Variants in MEAF6 observed in about 807,000 individuals in gnomAD.
MEAF6 encodes the protein MYST/Esa1 associated factor 6, also known as chromatin modification-related protein MEAF6.
MEAF6 carries 15 observed loss-of-function variants against 28.9 expected under a neutral mutation model. The ratio of observed to expected loss-of-function variants is 0.52; its 90% CI spans 0.35 to 0.80. MEAF6 has a LOEUF of 0.80. MEAF6 is among the 30% of genes least tolerant of loss of function. The pLI is 0.01. For missense variants in MEAF6, 178 were observed against 237.5 expected (o/e 0.75, Z 1.65); for synonymous variants, 97 against 88.7 (o/e 1.09, Z -0.53).
chr1:37,500,460 T>C (rs532640649), intron 5 of MEAF6, among the ~76,000 whole-genome samples: 1 of 152,218 alleles, frequency 6.6e-6, no homozygotes, highest in African/African-American at 2.4e-5. Flanking sequence ...AAATAACCTA[T>C]AGCCTTTCAA....
intron 3 of MEAF6, 26 bp downstream of exon 3, chr1:37,509,429 A>C (rs776491076): frequency 7.4e-6 from 12 of 1,611,950 alleles, no homozygotes; most frequent in Non-Finnish European, 9.3e-6. Flanking sequence ...AGGCCAAAGA[A>C]AGATTCCCCC....
intron 6 of MEAF6, among the ~76,000 whole-genome samples, chr1:37,495,041 A>C (rs1048498006): frequency 1.3e-5 from 2 of 151,818 alleles, no homozygotes; most frequent in African/African-American, 4.8e-5. Context: ...ATCATTAAAA[A>C]TGTATGTGAC....
chr1:37,508,914 T>C (rs1042653235), intron 4 of MEAF6, among the ~76,000 whole-genome samples: 4 of 152,162 alleles, frequency 2.6e-5, no homozygotes, highest in East Asian at 1.9e-4. Context: ...CTGGGCAACA[T>C]AGTGAGACTC....
At chr1:37,495,684 C>CAAAAAAAAAAAA (rs376230589) in intron 6 of MEAF6, among the ~76,000 whole-genome samples, 6 of 70,530 alleles carry the variant, frequency 8.5e-5, no homozygotes, top group East Asian at 4.3e-4. Flanking sequence ...AACTGTCTCT[C>CAAAAAAAAAAAA]AAAAAAAAAA....
At chr1:37,495,799 G>T in intron 6 of MEAF6, 86 bp downstream of exon 6, 1 of 1,326,058 alleles carries the variant, frequency 7.5e-7, no homozygotes, top group Non-Finnish European at 1.1e-6. Flanking sequence ...TCCAGGTTAG[G>T]AACACTCAAG....
At chr1:37,513,702 AAGAC>A (rs1642739791) in intron 1 of MEAF6, 164 bp from the exon 2 acceptor site, 1 of 640,620 alleles carries the variant, frequency 1.6e-6, no homozygotes, top group African/African-American at 1.8e-5. Context: ...GTTTAGGACT[AAGAC>A]AGTCTAGACC....
At chr1:37,502,485 AG>A (rs577505610) in intron 4 of MEAF6, among the ~76,000 whole-genome samples, 1 of 151,576 alleles carries the variant, frequency 6.6e-6, no homozygotes, top group Admixed American at 6.6e-5. Flanking sequence ...ACAAAAAAAA[AG>A]GGGGGGCCAA....
chr1:37,511,650 A>G (rs899243250), intron 2 of MEAF6, among the ~76,000 whole-genome samples: 1 of 152,248 alleles, frequency 6.6e-6, no homozygotes, highest in African/African-American at 2.4e-5. Flanking sequence ...AACAAAGGAT[A>G]CACCAATTGC....
chr1:37,505,534 T>C (rs1219507105), intron 4 of MEAF6, among the ~76,000 whole-genome samples: 1 of 152,240 alleles, frequency 6.6e-6, no homozygotes, highest in African/African-American at 2.4e-5. Flanking sequence ...GTATATTTTA[T>C]GTGTGGCCCT....
At chr1:37,509,169 GGAA>G in intron 4 of MEAF6, 106 bp downstream of exon 4, 3 of 1,007,150 alleles carry the variant, frequency 3.0e-6, no homozygotes, top group Non-Finnish European at 4.6e-6. Flanking sequence ...GAGGGAAAAG[GGAA>G]GAGCATAAGA....
rs1322186968 is a variant in MEAF6 at position 37,492,663 on chromosome 1, C to T, written c.*1436G>A. The T allele has an allele frequency of 6.6e-6, 1 of 152,012 alleles. No homozygotes were observed. The highest frequency in any genetic ancestry group is 1.9e-4 in the East Asian group (1 of 5,192). 9.4% of individuals were successfully genotyped at this position (152,012 alleles called of 1,614,324 possible). A position where few individuals can be genotyped will look rare whatever the true frequency, so the allele number is the denominator to read the frequency against. ...GACTTGTTTTACAGTAGATGCCATCCATATTCAGCCCTACCAATACTATCA... is the reference window on the plus strand; with the variant it reads ...GACTTGTTTTACAGTAGATGCCATCTATATTCAGCCCTACCAATACTATCA... On this transcript the variant is annotated 3_prime_UTR_variant, in exon 7 of 7. Coordinates refer to ENST00000296214, the MANE Select transcript of MEAF6 (RefSeq NM_001270875.3).
At chr1:37,510,380 C>CG (rs1642628459) in intron 2 of MEAF6, among the ~76,000 whole-genome samples, 1 of 97,872 alleles carries the variant, frequency 1.0e-5, no homozygotes, top group East Asian at 3.2e-4. Context: ...TGCACCTAGC[C>CG]ATTTTTTTTT....
chr1:37,498,101 G>A (rs1421007451), intron 5 of MEAF6, among the ~76,000 whole-genome samples: 2 of 152,136 alleles, frequency 1.3e-5, no homozygotes, highest in African/African-American at 4.8e-5. Context: ...AAAACAATAA[G>A]CAAATGGCTA....
At chr1:37,495,714 A>AC (rs1642108880) in intron 6 of MEAF6, among the ~76,000 whole-genome samples, 171 bp downstream of exon 6, 13 of 133,660 alleles carry the variant, frequency 9.7e-5, no homozygotes, top group Admixed American at 9.2e-4. Context: ...CAAAAAAAAA[A>AC]AAAAACAAAA....
At chr1:37,509,239 A>G in intron 4 of MEAF6, 39 bp downstream of exon 4, 1 of 1,585,700 alleles carries the variant, frequency 6.3e-7, no homozygotes, top group Non-Finnish European at 8.7e-7. Context: ...ATGGTAGCTT[A>G]AAAATAAACT....
chr1:37,509,042 A>T (rs1045721344), intron 4 of MEAF6, among the ~76,000 whole-genome samples: 1 of 152,184 alleles, frequency 6.6e-6, no homozygotes, highest in Non-Finnish European at 1.5e-5. Context: ...GGCTGCAGCG[A>T]ACTATGATCA....
chr1:37,509,673 G>A, intron 2 of MEAF6, 131 bp from the exon 3 acceptor site: 1 of 702,006 alleles, frequency 1.4e-6, no homozygotes, highest in South Asian at 2.0e-5. Context: ...CCTTTATGCT[G>A]AACACAGAAA....
rs556785483 is a variant in MEAF6 at position 37,493,903 on chromosome 1, A to C, written c.*196T>G. 4.7e-5 allele frequency: 75 copies of C among 1,585,966 alleles called. No homozygotes were observed. Among genetic ancestry groups the C allele is most frequent in the Admixed American group, 3.9e-4 (20 of 51,740 alleles). ...GCAGTTCTGTTACTAAAAATGACAT[A>C]AAGTAAGACCCAATGTCTTACAGAA... On this transcript the variant is annotated 3_prime_UTR_variant, in exon 7 of 7. Coordinates refer to ENST00000296214, the MANE Select transcript of MEAF6 (RefSeq NM_001270875.3).
chr1:37,502,805 A>G, intron 4 of MEAF6, among the ~76,000 whole-genome samples: 1 of 151,882 alleles, frequency 6.6e-6, no homozygotes, highest in East Asian at 1.9e-4. Flanking sequence ...TTTTTTGTAG[A>G]GATGTGGTTT....
Sources: gnomAD v4.1 joint callset for allele counts (sites outside exome capture counted in the v4.1 genomes callset) on GRCh38, gnomAD v4.1.1 for gene constraint, MANE v1.5 for transcripts, NCBI Gene and HGNC (gene_info 2026-07-23, HGNC 2026-07-21) for gene names.